The following NAA25 variants were observed in gnomAD, a reference collection of about 807,000 sequenced individuals.
NAA25 encodes N-alpha-acetyltransferase 25, NatB auxiliary subunit.
Under a neutral mutation model 132.5 loss-of-function variants are expected in NAA25, and 30 were observed. The ratio of observed to expected loss-of-function variants is 0.23; its 90% CI spans 0.17 to 0.31. The LOEUF (loss-of-function observed/expected upper bound fraction) is 0.31. Among genes scored for constraint, NAA25 ranks in the 10% least tolerant of loss-of-function variants. The pLI is 1.00. For synonymous variants in NAA25, 359 were observed against 401.9 expected (o/e 0.89, Z 1.28); for missense variants, 771 against 1,150.4 (o/e 0.67, Z 4.77).
At chr12:112,046,963 A>G (rs1376210234) in intron 17 of NAA25, among the ~76,000 whole-genome samples, 1 of 152,142 alleles carries the variant, frequency 6.6e-6, no homozygotes, top group Non-Finnish European at 1.5e-5. Context: ...GGCTTTCCTC[A>G]CCTATTTAAA....
At chr12:112,086,102 A>ACACACACACACACACACACACACC (rs796241170) in intron 4 of NAA25, among the ~76,000 whole-genome samples, 69 of 120,788 alleles carry the variant, frequency 5.7e-4, no homozygotes, top group East Asian at 2.7e-3. Context: ...ACACACACAC[A>ACACACACACACACACACACACACC]CCCATAACCA....
At chr12:112,083,135 A>C (rs2078996396) in intron 4 of NAA25, among the ~76,000 whole-genome samples, 1 of 152,146 alleles carries the variant, frequency 6.6e-6, no homozygotes, top group South Asian at 2.1e-4. Context: ...AGGTGAGGTG[A>C]TGAGGCACAA....
intron 13 of NAA25, among the ~76,000 whole-genome samples, chr12:112,059,075 C>CAAAAAA (rs530305102): frequency 1.9e-4 from 12 of 63,282 alleles, no homozygotes; most frequent in Non-Finnish European, 2.7e-4. Context: ...CTCCATCTCA[C>CAAAAAA]AAAAAAAAAA....
rs140003226 is a variant in NAA25 at position 112,077,342 on chromosome 12, G to A, written c.664+846C>T. On this transcript the variant is annotated intron_variant, in intron 7 of 23. Transcript: ENST00000261745. The stretch of plus-strand genomic sequence containing the variant: ...ACAAAAATTAGCTGGGCGTGGTGGT[G>A]TGTGCCTGTAGTCCCAGCTACTCAC... Among the ~76,000 whole-genome samples the A allele has an allele frequency of 0.012, 1,879 of 151,870 alleles. 131 individuals carry two copies. In the South Asian group the frequency reaches 0.18, roughly 15 times the overall value.
intron 1 of NAA25, among the ~76,000 whole-genome samples, chr12:112,105,710 G>A (rs1392694729): frequency 6.6e-6 from 1 of 152,176 alleles, no homozygotes; most frequent in Non-Finnish European, 1.5e-5. Flanking sequence ...TACAAATACT[G>A]TTGTACAAAG....
chr12:112,057,429 T>A (rs1200006513), intron 13 of NAA25, among the ~76,000 whole-genome samples: 2 of 152,216 alleles, frequency 1.3e-5, no homozygotes, highest in African/African-American at 4.8e-5. Flanking sequence ...AATTACTACA[T>A]GATCAGTTCA....
intron 18 of NAA25, 69 bp from the exon 19 acceptor site, chr12:112,043,280 G>C (rs2272309): frequency 3.4e-6 from 5 of 1,469,854 alleles, no homozygotes; most frequent in Non-Finnish European, 3.6e-6. Flanking sequence ...AGAAAATCAG[G>C]TAACTAGTAG....
chr12:112,087,816 A>C lies in NAA25; in HGVS notation c.284-15T>G, dbSNP rs1391720667. On this transcript the variant is annotated splice_polypyrimidine_tract_variant and intron_variant, in intron 3 of 23. Transcript: ENST00000261745. ...AACTAACTCCGCTAAGATAAAGAGAAATAAGATTTAAGTTATACTTCAAGA... is the reference window on the plus strand; with the variant it reads ...AACTAACTCCGCTAAGATAAAGAGACATAAGATTTAAGTTATACTTCAAGA... 1 of 1,517,704 alleles carries C rather than the reference A, an allele frequency of 6.6e-7. No individual in the cohort carries two copies. Among genetic ancestry groups the C allele is most frequent in the Non-Finnish European group, 9.1e-7 (1 of 1,093,540 alleles). 94.0% of individuals were successfully genotyped at this position (1,517,704 alleles called of 1,614,324 possible).
intron 1 of NAA25, among the ~76,000 whole-genome samples, chr12:112,098,119 C>CA (rs60232542): frequency 0.33 from 17,603 of 53,296 alleles, 3,153 homozygotes; most frequent in East Asian, 0.85. Context: ...GACTCCATCT[C>CA]AAAAAAAAAA....
At chr12:112,070,005 G>A (rs997495185) in intron 10 of NAA25, among the ~76,000 whole-genome samples, 4 of 152,054 alleles carry the variant, frequency 2.6e-5, no homozygotes, top group Non-Finnish European at 5.9e-5. Context: ...GCGATCGCCT[G>A]TAATCCCAGC....
chr12:112,033,827 A>G (rs1318241845), intron 22 of NAA25: 1 of 152,392 alleles, frequency 6.6e-6, no homozygotes, highest in Non-Finnish European at 1.5e-5. Flanking sequence ...GGGGATTAGT[A>G]ACATTATTAT....
chr12:112,033,512 G>A, intron 22 of NAA25, 133 bp from the exon 23 acceptor site: 1 of 689,182 alleles, frequency 1.5e-6, no homozygotes, highest in South Asian at 3.2e-5. Context: ...GTGAATGAAT[G>A]GTACTAAAAT....
At chr12:112,062,271 C>T (rs541846309) in intron 11 of NAA25, among the ~76,000 whole-genome samples, 100 of 151,864 alleles carry the variant, frequency 6.6e-4, no homozygotes, top group African/African-American at 2.2e-3. Flanking sequence ...CATGGTGGCG[C>T]GCACCTGTAA....
intron 15 of NAA25, among the ~76,000 whole-genome samples, chr12:112,052,001 C>T (rs1243363421): frequency 6.6e-6 from 1 of 152,202 alleles, no homozygotes; most frequent in African/African-American, 2.4e-5. Context: ...GAATTAATCC[C>T]TGATTTACTC....
intron 5 of NAA25, among the ~76,000 whole-genome samples, chr12:112,079,593 A>C (rs998876101): frequency 6.6e-6 from 1 of 152,014 alleles, no homozygotes; most frequent in Admixed American, 6.6e-5. Context: ...AACTAAGGTT[A>C]AGAAATTCCC....
intron 19 of NAA25, 109 bp downstream of exon 19, chr12:112,042,972 ACAGCTTC>A (rs1401599682): frequency 1.7e-5 from 17 of 987,352 alleles, no homozygotes; most frequent in Non-Finnish European, 2.2e-5. Flanking sequence ...CATTTGCAGA[ACAGCTTC>A]CAGCTTCCAT....
intron 13 of NAA25, among the ~76,000 whole-genome samples, chr12:112,059,562 T>C (rs1215391652): frequency 1.3e-5 from 2 of 152,196 alleles, no homozygotes; most frequent in African/African-American, 4.8e-5. Context: ...TTATCTTAAA[T>C]GAGACAAACT....
chr12:112,067,398 G>A (rs2078735761), intron 11 of NAA25, among the ~76,000 whole-genome samples: 1 of 152,146 alleles, frequency 6.6e-6, no homozygotes, highest in Admixed American at 6.6e-5. Flanking sequence ...CTCAACAGTA[G>A]GGAACACTTG....
chr12:112,077,526 G>A (rs79911782), intron 7 of NAA25, among the ~76,000 whole-genome samples: 2,323 of 151,884 alleles, frequency 0.015, 70 homozygotes, highest in African/African-American at 0.053. Context: ...GTGTGTGCCC[G>A]TCGTCCTAGC....
Sources: gnomAD v4.1 joint callset for allele counts (sites outside exome capture counted in the v4.1 genomes callset) on GRCh38, gnomAD v4.1.1 for gene constraint, MANE v1.5 for transcripts, NCBI Gene and HGNC (gene_info 2026-07-23, HGNC 2026-07-21) for gene names.